Variants in B3GALT1 observed in about 807,000 individuals in gnomAD.
The protein encoded by B3GALT1 is beta-1,3-galactosyltransferase 1.
A neutral mutation model predicts 23.2 loss-of-function variants in B3GALT1; 10 were observed. The observed-to-expected ratio is 0.43, with a 90% CI of 0.27 to 0.73. The LOEUF (loss-of-function observed/expected upper bound fraction) is 0.73. Ranked by LOEUF, B3GALT1 falls within the 30% of genes least tolerant of loss-of-function variation. The pLI is 0.21. For missense variants in B3GALT1, 299 were observed against 405.4 expected, an observed-to-expected ratio of 0.74 and a Z score of 2.25; for synonymous variants, 156 against 141.5, an observed-to-expected ratio of 1.10 and a Z score of -0.73.
chr2:167,627,594 G>C (rs1274705284), intron 2 of B3GALT1, among the ~76,000 whole-genome samples: 7 of 151,564 alleles, frequency 4.6e-5, no homozygotes, highest in African/African-American at 1.7e-4. Flanking sequence ...TTGAAATGTT[G>C]CGAGATTTTT....
chr2:167,717,070 CTG>C (rs1687156049), intron 3 of B3GALT1, among the ~76,000 whole-genome samples: 1 of 152,124 alleles, frequency 6.6e-6, no homozygotes, highest in Non-Finnish European at 1.5e-5. Context: ...AAATTAGAAT[CTG>C]TGAAAATAAA....
chr2:167,751,746 A>T (rs1687743062), intron 3 of B3GALT1, among the ~76,000 whole-genome samples: 1 of 152,192 alleles, frequency 6.6e-6, no homozygotes. Context: ...TAGTCATCCA[A>T]GTTTTTCTCA....
chr2:167,336,829 C>T (rs972726271), intron 1 of B3GALT1, among the ~76,000 whole-genome samples: 2 of 152,018 alleles, frequency 1.3e-5, no homozygotes, highest in African/African-American at 2.4e-5. Flanking sequence ...AAACATTTCC[C>T]TCAAGGGCCC....
chr2:167,617,748 CTTAA>C (rs1344757306), intron 2 of B3GALT1, among the ~76,000 whole-genome samples: 8 of 151,924 alleles, frequency 5.3e-5, no homozygotes, highest in South Asian at 4.1e-4. Flanking sequence ...GCCTAATTCA[CTTAA>C]TTAATTAATG....
intron 2 of B3GALT1, among the ~76,000 whole-genome samples, chr2:167,553,083 T>C (rs767847470): frequency 2.0e-5 from 3 of 152,216 alleles, no homozygotes; most frequent in Non-Finnish European, 4.4e-5. Flanking sequence ...ATCATTAAAA[T>C]ATTTAATTCC....
intron 3 of B3GALT1, among the ~76,000 whole-genome samples, chr2:167,723,419 G>A (rs1687263125): frequency 6.6e-6 from 1 of 151,856 alleles, no homozygotes; most frequent in South Asian, 2.1e-4. Context: ...TTAAAATGCT[G>A]TTATTTATTA....
intron 1 of B3GALT1, among the ~76,000 whole-genome samples, chr2:167,416,721 G>T (rs1698476895): frequency 6.6e-6 from 1 of 152,152 alleles, no homozygotes; most frequent in Admixed American, 6.5e-5. Context: ...CTAGCATGCA[G>T]CAAAGCCATA....
chr2:167,412,057 G>A (rs1433409843), intron 1 of B3GALT1, among the ~76,000 whole-genome samples: 1 of 152,098 alleles, frequency 6.6e-6, no homozygotes, highest in Non-Finnish European at 1.5e-5. Context: ...AGGGTAGGGT[G>A]TGGGGATGAA....
chr2:167,552,748 G>A (rs1481298196), intron 2 of B3GALT1, among the ~76,000 whole-genome samples: 1 of 152,116 alleles, frequency 6.6e-6, no homozygotes, highest in African/African-American at 2.4e-5. Context: ...TTTCTCCAAG[G>A]ATACTAGTGA....
chr2:167,698,256 TTTTA>T (rs1359085968), intron 3 of B3GALT1, among the ~76,000 whole-genome samples: 2 of 152,228 alleles, frequency 1.3e-5, no homozygotes, highest in African/African-American at 4.8e-5. Flanking sequence ...GTGGTTGGAA[TTTTA>T]TTTATGGCTC....
At chr2:167,660,522 A>G (rs1454394883) in intron 3 of B3GALT1, among the ~76,000 whole-genome samples, 1 of 152,130 alleles carries the variant, frequency 6.6e-6, no homozygotes, top group Non-Finnish European at 1.5e-5. Flanking sequence ...CAGGGGCCTG[A>G]GTATTTTCCA....
Position 167,711,126 on chromosome 2 carries a change from A to G in B3GALT1, c.-352+64160A>G, listed in dbSNP as rs1687041341. On this transcript the variant is annotated intron_variant, in intron 3 of 4. Transcript: ENST00000392690. Reference sequence around the variant, plus strand: ...CCTTTATCTCTTCCTTGAACATCTTAGGGCCCTAATACTGTGTTGCATCTA... The same window carrying G: ...CCTTTATCTCTTCCTTGAACATCTTGGGGCCCTAATACTGTGTTGCATCTA... Among the ~76,000 whole-genome samples the G allele has an allele frequency of 2.0e-5, 3 of 151,892 alleles. No individual in the cohort carries two copies. In the South Asian group the frequency reaches 6.2e-4, roughly 32 times the overall value.
In B3GALT1 at chr2:167,625,985, A is replaced by ATG. The variant is rs1553473369; in HGVS notation, c.-409-20923_-409-20922dup. Among the ~76,000 whole-genome samples, 76 of 120,148 alleles carry ATG rather than the reference A, an allele frequency of 6.3e-4. 1 individual carries two copies. In the East Asian group the frequency reaches 7.2e-3, roughly 11 times the overall value. 78.8% of individuals were successfully genotyped at this position (120,148 alleles called of 152,430 possible). On this transcript the variant is annotated intron_variant, in intron 2 of 4. Transcript: ENST00000392690. Reference sequence around the variant, plus strand: ...TATATATATATATATATATATATATATGACCTAAGCCACAGCAATATTTGC... The same window carrying ATG: ...TATATATATATATATATATATATATATGTGACCTAAGCCACAGCAATATTTGC...
intron 1 of B3GALT1, among the ~76,000 whole-genome samples, chr2:167,433,116 A>G (rs1698729540): frequency 6.6e-6 from 1 of 152,204 alleles, no homozygotes; most frequent in African/African-American, 2.4e-5. Flanking sequence ...CAACTCCTGG[A>G]AACCACTAAT....
chr2:167,614,727 A>G (rs1020661236), intron 2 of B3GALT1, among the ~76,000 whole-genome samples: 2 of 152,100 alleles, frequency 1.3e-5, no homozygotes, highest in African/African-American at 4.8e-5. Flanking sequence ...TAAAATTTAA[A>G]TGCAAATTGG....
At chr2:167,456,542 A>G (rs1024910302) in intron 1 of B3GALT1, among the ~76,000 whole-genome samples, 6 of 152,222 alleles carry the variant, frequency 3.9e-5, no homozygotes, top group African/African-American at 1.2e-4. Context: ...AAACTAAAAA[A>G]CATCTTCAAA....
chr2:167,716,111 A>G (rs1303330548), intron 3 of B3GALT1: 27 of 1,500,824 alleles, frequency 1.8e-5, no homozygotes, highest in East Asian at 6.9e-5. Context: ...ACTGGCCACA[A>G]CAAGCGGTGG....
chr2:167,716,039 C>T, intron 3 of B3GALT1: 1 of 1,605,490 alleles, frequency 6.2e-7, no homozygotes, highest in Non-Finnish European at 8.5e-7. Flanking sequence ...CCAAGTAGGG[C>T]CGAGCGGTAG....
intron 3 of B3GALT1, among the ~76,000 whole-genome samples, chr2:167,703,767 C>T (rs1213215683): frequency 6.6e-6 from 1 of 152,110 alleles, no homozygotes; most frequent in Non-Finnish European, 1.5e-5. Context: ...AAACAAAGGG[C>T]TAAGGGAAAC....
Sources: allele counts gnomAD v4.1 joint callset (sites outside exome capture counted in the v4.1 genomes callset), GRCh38; gene constraint gnomAD v4.1.1; transcripts MANE v1.5; gene names NCBI Gene and HGNC (gene_info 2026-07-23, HGNC 2026-07-21).